Variants in USP9X observed in about 807,000 individuals in gnomAD.
USP9X encodes ubiquitin specific peptidase 9 X-linked.
Under a neutral mutation model 190.3 loss-of-function variants are expected in USP9X, and 7 were observed. The observed-to-expected ratio is 0.04, with a 90% CI of 0.02 to 0.07. USP9X has a LOEUF of 0.07. Ranked by LOEUF, USP9X falls within the 10% of genes least tolerant of loss-of-function variation. The pLI, the probability that USP9X is intolerant of heterozygous loss-of-function variation, is 1.00. For synonymous variants in USP9X, 645 were observed against 659.5 expected (o/e 0.98, Z 0.34); for missense variants, 1,010 against 1,916.9 (o/e 0.53, Z 8.83).
intron 28 of USP9X, 33 bp from the exon 29 acceptor site, chrX:41,197,331 T>TCCGC: frequency 6.2e-6 from 3 of 486,757 alleles, no homozygotes; most frequent in Non-Finnish European, 8.8e-6. Flanking sequence ...TTTGATTTCT[T>TCCGC]CCCCCCCCCA....
chrX:41,198,574 A>G lies in USP9X; in HGVS notation c.4427A>G (p.Gln1476Arg). 3 of 1,210,450 alleles carry G rather than the reference A, an allele frequency of 2.5e-6. No individual in the cohort carries two copies. Among genetic ancestry groups the G allele is most frequent in the Non-Finnish European group, 3.4e-6 (3 of 894,899 alleles). Residue 1476 changes from glutamine (Q) to arginine (R), a missense_variant, in exon 30 of 45, where the codon CAG (glutamine) becomes CGG (arginine). By Grantham distance (43) the Gln-to-Arg change is conservative. Transcript: ENST00000378308. ...TTTCCTGCATCCAATGTTTACCTAC[A>G]GTATATGAGAAATGGAGAGCTTCCA... is the stretch of plus-strand genomic sequence containing the variant. ...FIFPASNVYL[Q>R]YMRNGELPAE...
chrX:41,095,043 C>CAAA (rs35922180), intron 1 of USP9X, among the ~76,000 whole-genome samples: 1 of 70,808 alleles, frequency 1.4e-5, no homozygotes, highest in African/African-American at 5.1e-5. Flanking sequence ...GACTCCGTCT[C>CAAA]AAAAAAAAAA....
At chrX:41,173,620 A>G (rs1202959024) in intron 21 of USP9X, among the ~76,000 whole-genome samples, 2 of 111,868 alleles carry the variant, frequency 1.8e-5, no homozygotes, top group Admixed American at 9.5e-5. Context: ...TCGATTCATT[A>G]CTGCCATCTA....
In USP9X at chrX:41,236,551, T is replaced by C. The variant is rs1210010355; in HGVS notation, c.*4027T>C. The C allele has an allele frequency of 8.9e-6, 1 of 112,585 alleles. No individual in the cohort carries two copies. Among genetic ancestry groups the C allele is most frequent in the Non-Finnish European group, 1.9e-5 (1 of 53,242 alleles). The allele number at this position is 112,585 out of a possible 1,213,427, so 9.3% of individuals were successfully genotyped here. A position where few individuals can be genotyped will look rare whatever the true frequency, so the allele number is the denominator to read the frequency against. Reference sequence around the variant, plus strand: ...TTCACAGTTCCTAAGATTTAGCACATATACAAAAATAAAACTTTATAAATT... The same window carrying C: ...TTCACAGTTCCTAAGATTTAGCACACATACAAAAATAAAACTTTATAAATT... On this transcript the variant is annotated 3_prime_UTR_variant, in exon 45 of 45. Transcript: ENST00000378308.
intron 12 of USP9X, among the ~76,000 whole-genome samples, chrX:41,150,044 G>T (rs957179836): frequency 3.6e-5 from 4 of 110,700 alleles, no homozygotes; most frequent in African/African-American, 1.3e-4. Context: ...GTTCGATTAT[G>T]GCGCCATTAA....
chrX:41,104,924 A>G (rs2062058995), intron 1 of USP9X, among the ~76,000 whole-genome samples: 1 of 112,127 alleles, frequency 8.9e-6, no homozygotes, highest in Non-Finnish European at 1.9e-5. Flanking sequence ...TGTATAGGGA[A>G]AAATGGGCTT....
At chrX:41,178,544 TTCAAG>T (rs1439605877) in intron 21 of USP9X, among the ~76,000 whole-genome samples, 2 of 112,023 alleles carry the variant, frequency 1.8e-5, no homozygotes, top group Non-Finnish European at 3.8e-5. Context: ...GAAATATCTA[TTCAAG>T]TCTTTTGCCC....
chrX:41,178,194 G>C (rs962706020), intron 21 of USP9X, among the ~76,000 whole-genome samples: 4 of 97,891 alleles, frequency 4.1e-5, no homozygotes, highest in African/African-American at 1.6e-4. Context: ...TCTGCCTCCT[G>C]GGTTCAGGTG....
At chrX:41,229,202 A>G in intron 41 of USP9X, 51 bp from the exon 42 acceptor site, 1 of 1,023,328 alleles carries the variant, frequency 9.8e-7, no homozygotes, top group Non-Finnish European at 1.3e-6. Flanking sequence ...CTCAGTATAT[A>G]TTAGCTATTA....
chrX:41,088,206 A>ATC (rs2146900710), intron 1 of USP9X, among the ~76,000 whole-genome samples: 1 of 111,872 alleles, frequency 8.9e-6, no homozygotes, highest in Admixed American at 9.5e-5. Flanking sequence ...GATGGCCTCG[A>ATC]TCTCCTGACC....
At chrX:41,150,163 A>C (rs987874530) in intron 12 of USP9X, among the ~76,000 whole-genome samples, 2 of 110,448 alleles carry the variant, frequency 1.8e-5, no homozygotes, top group Admixed American at 9.6e-5. Context: ...AAAAAAAAAA[A>C]CAAAAAACTC....
At chrX:41,151,343 TGCCAAGAAGTTTCATA>T (rs751124672) in intron 13 of USP9X, among the ~76,000 whole-genome samples, 12 of 111,907 alleles carry the variant, frequency 1.1e-4, no homozygotes, top group African/African-American at 2.9e-4. Flanking sequence ...CCAGCAAGTA[TGCCAAGAAGTTTCATA>T]GCATGTCTTT....
intron 1 of USP9X, among the ~76,000 whole-genome samples, chrX:41,106,987 A>G (rs2062075035): frequency 1.9e-5 from 2 of 105,740 alleles, no homozygotes; most frequent in Admixed American, 1.0e-4. Context: ...CCTGGGTTCA[A>G]GTGATTCTCC....
At chrX:41,176,879 GCTATTA>G (rs1380324748) in intron 21 of USP9X, among the ~76,000 whole-genome samples, 1 of 111,900 alleles carries the variant, frequency 8.9e-6, no homozygotes, top group African/African-American at 3.2e-5. Context: ...TTCTCTCTAG[GCTATTA>G]CTGATGGATA....
chrX:41,182,562 T>C (rs1031597078), intron 21 of USP9X, among the ~76,000 whole-genome samples: 3 of 111,044 alleles, frequency 2.7e-5, no homozygotes, highest in African/African-American at 6.6e-5. Flanking sequence ...GTCAAGTCTT[T>C]GGGCATTATG....
intron 43 of USP9X, 73 bp downstream of exon 43, chrX:41,229,852 T>G: frequency 8.4e-7 from 1 of 1,185,412 alleles, no homozygotes; most frequent in Non-Finnish European, 1.1e-6. Flanking sequence ...TATAGGCCAG[T>G]GTTTATGTAT....
chrX:41,159,383 C>T (rs1369393144), intron 14 of USP9X, among the ~76,000 whole-genome samples: 1 of 111,351 alleles, frequency 9.0e-6, no homozygotes, highest in Non-Finnish European at 1.9e-5. Flanking sequence ...AAATATTAAT[C>T]GTAGAATTTA....
intron 26 of USP9X, among the ~76,000 whole-genome samples, chrX:41,191,680 T>A (rs1374104613): frequency 8.9e-6 from 1 of 112,064 alleles, no homozygotes; most frequent in Non-Finnish European, 1.9e-5. Flanking sequence ...AGCAAATATG[T>A]GAATCCCTAC....
chrX:41,179,494 A>G (rs751318594), intron 21 of USP9X, among the ~76,000 whole-genome samples: 1 of 111,327 alleles, frequency 9.0e-6, no homozygotes, highest in East Asian at 2.8e-4. Flanking sequence ...TAGGCATCTT[A>G]TATTTTTGTA....
Sources: gnomAD v4.1 joint callset for allele counts (sites outside exome capture counted in the v4.1 genomes callset) on GRCh38, gnomAD v4.1.1 for gene constraint, MANE v1.5 for transcripts, NCBI Gene and HGNC (gene_info 2026-07-23, HGNC 2026-07-21) for gene names.